The following PIAS1 variants were observed in gnomAD, a reference collection of about 807,000 sequenced individuals.
PIAS1 encodes E3 SUMO-protein ligase PIAS1.
In PIAS1, 6 loss-of-function variants were observed where a neutral mutation model predicts 71.3. The ratio of observed to expected loss-of-function variants is 0.08; its 90% CI spans 0.05 to 0.17. The LOEUF is 0.17. Ranked by LOEUF, PIAS1 falls within the 10% of genes least tolerant of loss-of-function variation. The probability of loss-of-function intolerance (pLI) is 1.00; values close to 1 mark genes in which losing one functional copy is unlikely to be tolerated. For synonymous variants in PIAS1, 303 were observed against 292.9 expected, an observed-to-expected ratio of 1.03 and a Z score of -0.35; for missense variants, 555 against 793.6, an observed-to-expected ratio of 0.70 and a Z score of 3.61.
chr15:68,186,924 C>A lies in PIAS1; in HGVS notation c.1663-618C>A, dbSNP rs2093091630. Among the ~76,000 whole-genome samples the A allele has an allele frequency of 6.6e-6, 1 of 152,228 alleles. No individual in the cohort carries two copies. Among genetic ancestry groups the A allele is most frequent in the Non-Finnish European group, 1.5e-5 (1 of 68,046 alleles). On this transcript the variant is annotated intron_variant, in intron 13 of 13. Transcript: ENST00000249636. The surrounding 1 kb of genome is among the most constrained non-coding windows in gnomAD (Gnocchi z 4.4). ...GATGTTTGCACAGCCACAAAACCGC[C>A]TAATGATGCATTTCTCAAAACACAT...
At chr15:68,180,687 A>G (rs2093048737) in intron 11 of PIAS1, among the ~76,000 whole-genome samples, 1 of 152,202 alleles carries the variant, frequency 6.6e-6, no homozygotes, top group Admixed American at 6.6e-5. Flanking sequence ...TATACTAAAC[A>G]ATACCCAGTT....
At chr15:68,160,333 T>C (rs1265097115) in intron 7 of PIAS1, among the ~76,000 whole-genome samples, 2 of 152,162 alleles carry the variant, frequency 1.3e-5, no homozygotes, top group African/African-American at 4.8e-5. Flanking sequence ...CACATAGATA[T>C]CGAAATATTC....
chr15:68,113,663 A>G (rs2092540748), intron 2 of PIAS1, among the ~76,000 whole-genome samples: 2 of 152,162 alleles, frequency 1.3e-5, no homozygotes, highest in South Asian at 4.1e-4. Context: ...TCTGAGGAAT[A>G]ATGTAAAGTT....
intron 1 of PIAS1, among the ~76,000 whole-genome samples, chr15:68,063,895 C>G (rs564902269): frequency 1.6e-5 from 2 of 128,316 alleles, no homozygotes; most frequent in Non-Finnish European, 3.2e-5. Context: ...TTCTTCATCA[C>G]TGTGCACTTG....
chr15:68,155,782 AAC>A (rs898943068), intron 7 of PIAS1, among the ~76,000 whole-genome samples: 8 of 152,150 alleles, frequency 5.3e-5, no homozygotes, highest in African/African-American at 1.9e-4. Flanking sequence ...AACTATGAAA[AAC>A]AGTCTTTTAC....
At chr15:68,119,313 C>T (rs1003891196) in intron 2 of PIAS1, among the ~76,000 whole-genome samples, 9 of 142,876 alleles carry the variant, frequency 6.3e-5, no homozygotes, top group Middle Eastern at 4.1e-3. Flanking sequence ...GACGTGGTGG[C>T]GCACACCTGT....
chr15:68,088,824 C>T (rs1490737096), intron 2 of PIAS1, among the ~76,000 whole-genome samples: 1 of 152,110 alleles, frequency 6.6e-6, no homozygotes, highest in Non-Finnish European at 1.5e-5. Flanking sequence ...AATGAAGTGG[C>T]TACATTTGTC....
chr15:68,181,015 C>G (rs942219697), intron 11 of PIAS1, among the ~76,000 whole-genome samples, 197 bp from the exon 12 acceptor site: 1 of 152,116 alleles, frequency 6.6e-6, no homozygotes. Flanking sequence ...CTTCCTGTGG[C>G]CTCTGTTAAA....
Position 68,187,809 on chromosome 15 carries a change from A to T in PIAS1, c.1930A>T (p.Ile644Leu). 6.2e-7 allele frequency: 1 copy of T among 1,613,720 alleles called. No individual in the cohort carries two copies. Among genetic ancestry groups the T allele is most frequent in the Non-Finnish European group, 8.5e-7 (1 of 1,179,816 alleles). ...GGACACGGCATCCATCTTTGGCATC[A>T]TACCAGACATTATTTCATTGGACTG... ...STDTASIFGI[I>L]PDIISLD Residue 644 changes from isoleucine (I) to leucine (L), a missense_variant, in exon 14 of 14, where the codon ATA becomes TTA. Coordinates refer to ENST00000249636, the MANE Select transcript of PIAS1 (RefSeq NM_016166.3). The surrounding 1 kb of genome is among the most constrained non-coding windows in gnomAD (Gnocchi z 5.3).
At chr15:68,162,704 T>G (rs1209134415) in intron 7 of PIAS1, among the ~76,000 whole-genome samples, 2 of 152,118 alleles carry the variant, frequency 1.3e-5, no homozygotes, top group Non-Finnish European at 2.9e-5. Context: ...AGGGCTGATA[T>G]GGTGGTACAA....
intron 1 of PIAS1, among the ~76,000 whole-genome samples, chr15:68,062,013 G>A (rs976342164): frequency 6.6e-6 from 1 of 152,116 alleles, no homozygotes; most frequent in Non-Finnish European, 1.5e-5. Context: ...AACAAATTAT[G>A]TTTAAGATTT....
At chr15:68,157,568 A>T (rs1278237498) in intron 7 of PIAS1, among the ~76,000 whole-genome samples, 1 of 152,158 alleles carries the variant, frequency 6.6e-6, no homozygotes, top group African/African-American at 2.4e-5. Context: ...TTCAGTTTTC[A>T]TCCTGAATAC....
intron 1 of PIAS1, among the ~76,000 whole-genome samples, chr15:68,070,934 A>G (rs1038892278): frequency 6.6e-6 from 1 of 151,686 alleles, no homozygotes; most frequent in Non-Finnish European, 1.5e-5. Context: ...TTACTTTTTA[A>G]AATGTGGCTA....
At chr15:68,060,640 A>G (rs964495733) in intron 1 of PIAS1, among the ~76,000 whole-genome samples, 1 of 152,184 alleles carries the variant, frequency 6.6e-6, no homozygotes, top group African/African-American at 2.4e-5. Context: ...AAATCCCCCA[A>G]AAAACAAACA....
Position 68,141,934 on chromosome 15 carries a change from T to C in PIAS1, c.470-12T>C. On this transcript the variant is annotated splice_polypyrimidine_tract_variant and intron_variant, in intron 2 of 13. Transcript: ENST00000249636. ...TAAAGGTAATTGAAAGTATAATTCT[T>C]GTCTTCTTTAGCATCAGACAACAGT... is the stretch of plus-strand genomic sequence containing the variant. 1.3e-6 allele frequency: 2 copies of C among 1,574,262 alleles called. No homozygotes were observed. Among genetic ancestry groups the C allele is most frequent in the Non-Finnish European group, 1.7e-6 (2 of 1,153,216 alleles).
chr15:68,127,153 T>C (rs563115080), intron 2 of PIAS1, among the ~76,000 whole-genome samples: 1 of 151,320 alleles, frequency 6.6e-6, no homozygotes, highest in South Asian at 2.1e-4. Flanking sequence ...CTTGAACTCT[T>C]GACCTTGTGA....
At chr15:68,056,469 T>A (rs1055489539) in intron 1 of PIAS1, among the ~76,000 whole-genome samples, 1 of 152,162 alleles carries the variant, frequency 6.6e-6, no homozygotes, top group African/African-American at 2.4e-5. Flanking sequence ...CTAAAATTAA[T>A]CTCGTTTTTT....
Position 68,175,694 on chromosome 15 carries a change from G to T in PIAS1, c.1227G>T (p.Glu409Asp), listed in dbSNP as rs1405345741. ...ACTGTGATGAAATACAATTTAAGGA[G>T]GATGGCACTTGGGCACCGATGAGAT... ...CTDCDEIQFK[E>D]DGTWAPMRSK... Residue 409 changes from glutamate (E) to aspartate (D), a missense_variant, in exon 10 of 14, where the codon GAG (glutamate) becomes GAT (aspartate). By Grantham distance (45) the Glu-to-Asp change is conservative (BLOSUM62 2). Coordinates refer to ENST00000249636, the MANE Select transcript of PIAS1 (RefSeq NM_016166.3). 5.6e-6 allele frequency: 9 copies of T among 1,602,254 alleles called. No homozygotes were observed. The highest frequency in any genetic ancestry group is 7.7e-6 in the Non-Finnish European group (9 of 1,172,348).
intron 1 of PIAS1, among the ~76,000 whole-genome samples, chr15:68,058,233 G>C (rs1304962624): frequency 6.6e-6 from 1 of 152,222 alleles, no homozygotes; most frequent in Non-Finnish European, 1.5e-5. Context: ...TCATAGAATT[G>C]ATTGTGGTGT....
Sources: gnomAD v4.1 joint callset for allele counts (sites outside exome capture counted in the v4.1 genomes callset) on GRCh38, gnomAD v4.1.1 for gene constraint, Gnocchi (gnomAD v3.1) non-coding constraint, MANE v1.5 for transcripts, NCBI Gene and HGNC (gene_info 2026-07-23, HGNC 2026-07-21) for gene names.